Variants in KXD1 observed in about 807,000 individuals in gnomAD.
KXD1 encodes KxDL motif containing 1, also known as kxDL motif-containing protein 1.
In KXD1, 5 loss-of-function variants were observed where a neutral mutation model predicts 12.1. That is an observed-to-expected ratio of 0.41 (90% CI 0.22 to 0.87). The LOEUF is 0.87. Among genes scored for constraint, KXD1 ranks in the 40% least tolerant of loss-of-function variants. The pLI, the probability that KXD1 is intolerant of heterozygous loss-of-function variation, is 0.31. For missense variants in KXD1, 193 were observed against 244.9 expected (o/e 0.79, Z 1.41); for synonymous variants, 98 against 100.5 (o/e 0.98, Z 0.15).
At chr19:18,567,259 G>C in intron 4 of KXD1, 81 bp downstream of exon 4, 1 of 1,411,304 alleles carries the variant, frequency 7.1e-7, no homozygotes, top group Non-Finnish European at 1.0e-6. Context: ...CCACCTTGGG[G>C]CCTGATACTG....
At position 18,568,471 on chromosome 19, in the gene KXD1, T is replaced by C. The variant is rs1390191819; in HGVS notation, c.371T>C (p.Ile124Thr). 1.2e-6 allele frequency: 2 copies of C among 1,613,960 alleles called. No individual in the cohort carries two copies. Among genetic ancestry groups the C allele is most frequent in the South Asian group, 1.1e-5 (1 of 91,072 alleles). The change falls in exon 5 of 5, where the codon ATT becomes ACT. Residue 124 changes from isoleucine (I) to threonine (T), a missense_variant. By Grantham distance (89) the Ile-to-Thr change is moderately conservative. Coordinates refer to ENST00000222307, the MANE Select transcript of KXD1 (RefSeq NM_024069.4). Reference sequence around the variant, plus strand: ...ATCCCACCCAGCACCACGACCACCATTGCCACCTCAGAACAGAGCACGGGC... The same window carrying C: ...ATCCCACCCAGCACCACGACCACCACTGCCACCTCAGAACAGAGCACGGGC... ...DPIPPSTTTTIATSEQSTGSC... is the reference protein window; with the variant it reads ...DPIPPSTTTTTATSEQSTGSC...
intron 3 of KXD1, 109 bp from the exon 4 acceptor site, chr19:18,567,023 C>A: frequency 1.1e-6 from 1 of 918,556 alleles, no homozygotes; most frequent in South Asian, 1.4e-5. Flanking sequence ...TGGGGGTTCT[C>A]ACTCCCGTCT....
At chr19:18,559,673 G>A (rs943083138) in intron 1 of KXD1, 6 of 152,156 alleles carry the variant, frequency 3.9e-5, no homozygotes, top group African/African-American at 1.2e-4. Flanking sequence ...TGTGAGACCC[G>A]TGGGCTGTGG....
intron 4 of KXD1, among the ~76,000 whole-genome samples, chr19:18,567,785 C>T (rs993948126): frequency 6.6e-6 from 1 of 152,220 alleles, no homozygotes; most frequent in Non-Finnish European, 1.5e-5. Flanking sequence ...GGGCCTCCAA[C>T]AGCAGTTTAC....
At chr19:18,565,524 G>A (rs1019196900) in intron 3 of KXD1, among the ~76,000 whole-genome samples, 8 of 151,366 alleles carry the variant, frequency 5.3e-5, no homozygotes, top group African/African-American at 1.5e-4. Context: ...GAGCCACTGC[G>A]CCCGGCCGAG....
At chr19:18,566,939 G>A in intron 3 of KXD1, among the ~76,000 whole-genome samples, 193 bp from the exon 4 acceptor site, 1 of 152,238 alleles carries the variant, frequency 6.6e-6, no homozygotes. Flanking sequence ...AGGCCGGCTG[G>A]TGGGCGACTG....
intron 2 of KXD1, among the ~76,000 whole-genome samples, chr19:18,564,655 G>C (rs543062030): frequency 2.6e-5 from 4 of 152,288 alleles, no homozygotes; most frequent in South Asian, 4.1e-4. Flanking sequence ...GGTAGACAAG[G>C]CTACATGAGA....
intron 1 of KXD1, among the ~76,000 whole-genome samples, chr19:18,561,195 G>T (rs1212228518): frequency 6.6e-6 from 1 of 151,858 alleles, no homozygotes; most frequent in Non-Finnish European, 1.5e-5. Flanking sequence ...GTCAGCCTAG[G>T]AATTTAAGAG....
chr19:18,565,290 C>T (rs184587035), intron 3 of KXD1: 73 of 830,746 alleles, frequency 8.8e-5, no homozygotes, highest in Admixed American at 5.8e-4. Context: ...AGTGCAGTGG[C>T]GCGACCTCAG....
intron 4 of KXD1, among the ~76,000 whole-genome samples, chr19:18,568,191 C>T (rs1424413022): frequency 1.3e-5 from 2 of 150,006 alleles, no homozygotes; most frequent in African/African-American, 2.5e-5. Flanking sequence ...CGCTTGAACC[C>T]GGGAGACGGA....
At chr19:18,562,681 C>T (rs1212861466) in intron 2 of KXD1, among the ~76,000 whole-genome samples, 1 of 152,194 alleles carries the variant, frequency 6.6e-6, no homozygotes, top group Non-Finnish European at 1.5e-5. Flanking sequence ...AGGCTGGTCT[C>T]GAACTCCTGA....
In KXD1 at chr19:18,562,118, C is replaced by T; in HGVS notation, c.62C>T (p.Thr21Ile). The change falls in exon 2 of 5, where the codon ACA (threonine) becomes ATA (isoleucine). Residue 21 changes from threonine (T) to isoleucine (I), a missense_variant. Thr to Ile is a moderately conservative substitution (Grantham distance 89). Transcript: ENST00000222307. ...GGCCGCATCCTGAGCATGGTGAACA[C>T]AGATGATGTCAACGCCATCATCCTG... ...FCGRILSMVN[T>I]DDVNAIILAQ... 6.2e-7 allele frequency: 1 copy of T among 1,613,254 alleles called. No individual in the cohort carries two copies. The highest frequency in any genetic ancestry group is 8.5e-7 in the Non-Finnish European group (1 of 1,179,580).
chr19:18,563,743 C>T (rs951615432), intron 2 of KXD1, among the ~76,000 whole-genome samples: 1 of 152,078 alleles, frequency 6.6e-6, no homozygotes, highest in East Asian at 1.9e-4. Context: ...ACTTCGTGAT[C>T]CGCCCGCCTC....
chr19:18,561,762 G>GTA, intron 1 of KXD1: 1 of 247,814 alleles, frequency 4.0e-6, no homozygotes, highest in Non-Finnish European at 7.8e-6. Context: ...AGGTACCTGT[G>GTA]GCCTTGGGCT....
intron 3 of KXD1, among the ~76,000 whole-genome samples, chr19:18,566,413 G>A (rs1310300005): frequency 1.2e-5 from 1 of 85,792 alleles, no homozygotes; most frequent in African/African-American, 4.5e-5. Flanking sequence ...CCGAGATCGC[G>A]CCACTGCACT....
Position 18,562,060 on chromosome 19 carries a change from G to T in KXD1, c.4G>T (p.Asp2Tyr). The change falls in exon 2 of 5, where the codon GAC becomes TAC. Residue 2 changes from aspartate (D) to tyrosine (Y), a missense_variant. Physicochemically the swap from Asp to Tyr is radical, Grantham distance 160. Transcript: ENST00000222307. M[D>Y]LPDSASRVFC... ...GGCAGCGGAGGAGGAGAAAGAGATG[G>T]ACCTCCCGGACTCGGCCTCGAGGGT... 6.2e-7 allele frequency: 1 copy of T among 1,612,324 alleles called. No individual in the cohort carries two copies. Among genetic ancestry groups the T allele is most frequent in the South Asian group, 1.1e-5 (1 of 90,798 alleles).
intron 1 of KXD1, among the ~76,000 whole-genome samples, chr19:18,560,782 C>T (rs886221804): frequency 1.3e-5 from 2 of 151,940 alleles, no homozygotes; most frequent in African/African-American, 4.8e-5. Flanking sequence ...TCTTGGCTCA[C>T]CACAACCTCC....
At chr19:18,566,455 C>A (rs867753604) in intron 3 of KXD1, among the ~76,000 whole-genome samples, 109 of 116,556 alleles carry the variant, frequency 9.4e-4, no homozygotes, top group East Asian at 1.8e-3. Context: ...GACTCCGTCT[C>A]AAAAAAAAAA....
intron 4 of KXD1, 33 bp from the exon 5 acceptor site, chr19:18,568,369 G>A (rs1286658971): frequency 6.4e-7 from 1 of 1,557,710 alleles, no homozygotes. Flanking sequence ...TTGGCAAGGT[G>A]ACAAAACCAA....
Sources: allele counts gnomAD v4.1 joint callset (sites outside exome capture counted in the v4.1 genomes callset), GRCh38; gene constraint gnomAD v4.1.1; transcripts MANE v1.5; gene names NCBI Gene and HGNC (gene_info 2026-07-23, HGNC 2026-07-21).